The following USPL1 variants were observed in gnomAD, a reference collection of about 807,000 sequenced individuals.
USPL1 encodes ubiquitin specific peptidase like 1.
A neutral mutation model predicts 51.5 loss-of-function variants in USPL1; 27 were observed. The observed-to-expected ratio is 0.52, with a 90% CI of 0.39 to 0.72. USPL1 has a LOEUF of 0.72. Ranked by LOEUF, USPL1 falls within the 30% of genes least tolerant of loss-of-function variation. The pLI, the probability that USPL1 is intolerant of heterozygous loss-of-function variation, is 0.00. For missense variants in USPL1, 1,226 were observed against 1,268.0 expected (o/e 0.97, Z 0.50); for synonymous variants, 451 against 459.6 (o/e 0.98, Z 0.24).
intron 4 of USPL1, among the ~76,000 whole-genome samples, chr13:30,634,163 A>G (rs1455316325): frequency 6.6e-6 from 1 of 152,218 alleles, no homozygotes; most frequent in African/African-American, 2.4e-5. Context: ...AAGTCAAATA[A>G]GGGTTGCTTG....
chr13:30,647,008 T>C lies in USPL1; in HGVS notation c.1189T>C (p.Cys397Arg). The change falls in exon 7 of 9, where the codon TGT (cysteine) becomes CGT (arginine). Residue 397 changes from cysteine (C) to arginine (R), a missense_variant. Coordinates refer to ENST00000255304, the MANE Select transcript of USPL1 (RefSeq NM_005800.5). ...HPLNAAHFGP[C>R]NNCNSKSQIR... ...ACTTAATGCTGCCCATTTTGGTCCA[T>C]GTAACAATTGCAACAGTAAATCACA... 6.2e-7 allele frequency: 1 copy of C among 1,613,706 alleles called. No individual in the cohort carries two copies. The highest frequency in any genetic ancestry group is 1.1e-5 in the South Asian group (1 of 91,062).
In USPL1 at chr13:30,659,071, G is replaced by A. The variant is rs1951217365; in HGVS notation, c.2994G>A (p.Met998Ile). 3.1e-5 allele frequency: 50 copies of A among 1,614,164 alleles called. No homozygotes were observed. Among genetic ancestry groups the A allele is most frequent in the Non-Finnish European group, 4.2e-5 (49 of 1,180,034 alleles). ...NGEGDFRYLG[M>I]GDSHIPPPVP... Reference sequence around the variant, plus strand: ...AAGGTGACTTTAGGTATTTGGGAATGGGAGATAGTCATATCCCACCACCAG... The same window carrying A: ...AAGGTGACTTTAGGTATTTGGGAATAGGAGATAGTCATATCCCACCACCAG... Residue 998 changes from methionine to isoleucine, a missense_variant, in exon 9 of 9, where the codon ATG becomes ATA. Transcript: ENST00000255304.
chr13:30,647,084 T>TAAAAA (rs1489174656), intron 7 of USPL1, 27 bp downstream of exon 7: 7 of 1,584,170 alleles, frequency 4.4e-6, no homozygotes, highest in Non-Finnish European at 6.1e-6. Flanking sequence ...TTATAATTTT[T>TAAAAA]AGTACAAAAT....
chr13:30,631,523 C>A, intron 4 of USPL1, 49 bp downstream of exon 4: 1 of 1,506,892 alleles, frequency 6.6e-7, no homozygotes, highest in South Asian at 1.3e-5. Flanking sequence ...CATCTGGAGT[C>A]AGGGTCTCAT....
chr13:30,621,071 A>G lies in USPL1; in HGVS notation c.-68-2A>G. 1.6e-6 allele frequency: 2 copies of G among 1,263,228 alleles called. No homozygotes were observed. Among genetic ancestry groups the G allele is most frequent in the Non-Finnish European group, 2.2e-6 (2 of 895,020 alleles). 78.3% of individuals were successfully genotyped at this position (1,263,228 alleles called of 1,614,324 possible). A position where few individuals can be genotyped will look rare whatever the true frequency, so the allele number is the denominator to read the frequency against. ...AATTGTCTATTGACTTTTTTTTTCC[A>G]GGGTTCATTGAAAAAATCCTTAGTG... On this transcript the variant is annotated splice_acceptor_variant, in intron 1 of 8. Transcript: ENST00000255304. LOFTEE classifies it low-confidence loss of function (5UTR_SPLICE).
At chr13:30,630,249 T>C (rs1478604372) in intron 3 of USPL1, among the ~76,000 whole-genome samples, 1 of 152,200 alleles carries the variant, frequency 6.6e-6, no homozygotes, top group African/African-American at 2.4e-5. Flanking sequence ...CCACTGATTC[T>C]TTTAGTGATA....
At chr13:30,641,048 A>G (rs2137669180) in intron 5 of USPL1, among the ~76,000 whole-genome samples, 1 of 152,216 alleles carries the variant, frequency 6.6e-6, no homozygotes, top group Non-Finnish European at 1.5e-5. Context: ...GAACCGGGAG[A>G]ATATTTAGGG....
intron 7 of USPL1, 48 bp from the exon 8 acceptor site, chr13:30,653,100 C>T (rs921619826): frequency 2.0e-6 from 3 of 1,521,038 alleles, no homozygotes; most frequent in Non-Finnish European, 2.7e-6. Flanking sequence ...TATAATCAGA[C>T]ACATGGCATT....
intron 4 of USPL1, among the ~76,000 whole-genome samples, chr13:30,632,397 G>A (rs980855955): frequency 7.5e-6 from 1 of 133,726 alleles, no homozygotes; most frequent in Non-Finnish European, 1.6e-5. Flanking sequence ...CCAAGTCTTT[G>A]CTATTGTGAT....
intron 3 of USPL1, among the ~76,000 whole-genome samples, chr13:30,622,834 A>G (rs1200688820): frequency 6.6e-6 from 1 of 150,652 alleles, no homozygotes; most frequent in Non-Finnish European, 1.5e-5. Context: ...TATGCTGGGT[A>G]TAATTTGAAG....
chr13:30,620,955 A>G (rs1950638884), intron 1 of USPL1, 118 bp from the exon 2 acceptor site: 1 of 487,610 alleles, frequency 2.1e-6, no homozygotes, highest in Non-Finnish European at 3.5e-6. Context: ...GAATATGTTT[A>G]TTCTAGGACA....
At chr13:30,632,583 T>G (rs916248878) in intron 4 of USPL1, among the ~76,000 whole-genome samples, 2 of 151,828 alleles carry the variant, frequency 1.3e-5, no homozygotes, top group Non-Finnish European at 2.9e-5. Context: ...CCAGCTAATT[T>G]TTGTATTTTT....
intron 1 of USPL1, among the ~76,000 whole-genome samples, chr13:30,619,188 C>T (rs1210354224): frequency 2.0e-5 from 3 of 152,104 alleles, no homozygotes; most frequent in Non-Finnish European, 4.4e-5. Flanking sequence ...TAAAATCCCC[C>T]CCGGGATTTT....
At position 30,658,861 on chromosome 13, in the gene USPL1, T is replaced by G; in HGVS notation, c.2784T>G (p.Ser928=). 6.2e-7 allele frequency: 1 copy of G among 1,614,000 alleles called. No homozygotes were observed. Among genetic ancestry groups the G allele is most frequent in the Non-Finnish European group, 8.5e-7 (1 of 1,180,032 alleles). ...TAGAACAGGTGCCCCAGGATGGGTC[T>G]CCAAATGATTGTGAATCAATAGAGG... ...ENLEQVPQDG[S]PNDCESIEDL... is the part of the protein sequence containing the mutation. The change falls in exon 9 of 9, where the codon TCT becomes TCG. Residue 928 remains serine (S), a synonymous_variant. Transcript: ENST00000255304.
In USPL1 at chr13:30,658,433, T is replaced by A. The variant is rs35371042; in HGVS notation, c.2356T>A (p.Leu786Ile). 2.7e-3 allele frequency: 4,384 copies of A among 1,613,732 alleles called. 113 individuals carry two copies. The African/African-American group carries it at 0.053, about 19-fold the overall frequency. Residue 786 changes from leucine (L) to isoleucine (I), a missense_variant, in exon 9 of 9, where the codon TTA (leucine) becomes ATA (isoleucine). Coordinates refer to ENST00000255304, the MANE Select transcript of USPL1 (RefSeq NM_005800.5). Reference sequence around the variant, plus strand: ...TCATAATAGAAACACTATAACTGATTTACAACCTTCAGTTAAAGGGGTAAA... The same window carrying A: ...TCATAATAGAAACACTATAACTGATATACAACCTTCAGTTAAAGGGGTAAA... ...SAHNRNTITDLQPSVKGVNNF... is the reference protein window; with the variant it reads ...SAHNRNTITDIQPSVKGVNNF...
rs779484547 is a variant in USPL1 at position 30,631,260 on chromosome 13, T to C, written c.654T>C (p.Cys218=). The change falls in exon 4 of 9, where the codon TGT becomes TGC. Residue 218 remains cysteine, a synonymous_variant. Transcript: ENST00000255304. ...SKLEMPLESK[C]TSFPQALCVQ... is the part of the protein sequence containing the mutation. ...TGGAAATGCCACTGGAGAGCAAATGTACATCATTTCCCCAGGCTTTATGTG... is the reference window on the plus strand; with the variant it reads ...TGGAAATGCCACTGGAGAGCAAATGCACATCATTTCCCCAGGCTTTATGTG... 19 of 1,614,098 alleles carry C rather than the reference T, an allele frequency of 1.2e-5. No homozygotes were observed. Among genetic ancestry groups the C allele is most frequent in the Non-Finnish European group, 1.6e-5 (19 of 1,180,044 alleles).
chr13:30,631,502 A>G, intron 4 of USPL1, 28 bp downstream of exon 4: 1 of 1,561,120 alleles, frequency 6.4e-7, no homozygotes, highest in Non-Finnish European at 8.7e-7. Flanking sequence ...ATTTTTATTT[A>G]CTTATTTATT....
At position 30,631,256 on chromosome 13, in the gene USPL1, A is replaced by G. The variant is rs1950801010; in HGVS notation, c.650A>G (p.Lys217Arg). The G allele has an allele frequency of 6.2e-7, 1 of 1,614,078 alleles. No homozygotes were observed. The highest frequency in any genetic ancestry group is 1.1e-5 in the South Asian group (1 of 91,092). The change falls in exon 4 of 9, where the codon AAA (lysine) becomes AGA (arginine). Residue 217 changes from lysine to arginine, a missense_variant. Lys to Arg is a conservative substitution (Grantham distance 26). Transcript: ENST00000255304. Reference protein sequence around the residue: ...TSKLEMPLESKCTSFPQALCV... With the variant: ...TSKLEMPLESRCTSFPQALCV... The stretch of plus-strand genomic sequence containing the variant: ...AAACTGGAAATGCCACTGGAGAGCA[A>G]ATGTACATCATTTCCCCAGGCTTTA...
In USPL1 at chr13:30,657,780, A is replaced by T. The variant is rs1290263894; in HGVS notation, c.1703A>T (p.His568Leu). ...CTTTCACAGGACACAGCTGTAACTC[A>T]TGGAGATCATTTACTTTCAGGTCCA... ...RTLSQDTAVTHGDHLLSGPKG... is the reference protein window; with the variant it reads ...RTLSQDTAVTLGDHLLSGPKG... Residue 568 changes from histidine to leucine, a missense_variant, in exon 9 of 9, where the codon CAT becomes CTT. Coordinates refer to ENST00000255304, the MANE Select transcript of USPL1 (RefSeq NM_005800.5). 1.2e-6 allele frequency: 2 copies of T among 1,614,014 alleles called. No homozygotes were observed. The highest frequency in any genetic ancestry group is 1.7e-6 in the Non-Finnish European group (2 of 1,180,038).
Sources: allele counts gnomAD v4.1 joint callset (sites outside exome capture counted in the v4.1 genomes callset), GRCh38; gene constraint gnomAD v4.1.1; transcripts MANE v1.5; gene names NCBI Gene and HGNC (gene_info 2026-07-23, HGNC 2026-07-21).